Variants in SNX25 observed in about 807,000 individuals in gnomAD.
SNX25 encodes the protein sorting nexin 25.
SNX25 carries 62 observed loss-of-function variants against 113.7 expected under a neutral mutation model. That is an observed-to-expected ratio of 0.55 (90% CI 0.44 to 0.67). SNX25 has a LOEUF of 0.67. Ranked by LOEUF, SNX25 falls within the 30% of genes least tolerant of loss-of-function variation. SNX25 has a pLI of 0.00. For synonymous variants in SNX25, 421 were observed against 436.2 expected (o/e 0.97, Z 0.43); for missense variants, 1,014 against 1,161.0 (o/e 0.87, Z 1.84).
intron 16 of SNX25, among the ~76,000 whole-genome samples, chr4:185,360,457 A>G (rs965930490): frequency 6.6e-6 from 1 of 152,204 alleles, no homozygotes; most frequent in African/African-American, 2.4e-5. Flanking sequence ...TCAGATTCTT[A>G]AAAGGCTTTT....
At chr4:185,321,632 A>C (rs1166803020) in intron 8 of SNX25, among the ~76,000 whole-genome samples, 1 of 152,214 alleles carries the variant, frequency 6.6e-6, no homozygotes, top group African/African-American at 2.4e-5. Flanking sequence ...CTTACAGTGA[A>C]GATCCCAATA....
At chr4:185,372,842 A>T, downstream of SNX25, 1 of 1,581,532 alleles carries the variant, frequency 6.3e-7, no homozygotes, top group Non-Finnish European at 8.7e-7. Flanking sequence ...CACAGAACAG[A>T]CAAAGACATT....
At chr4:185,315,144 C>T (rs1044594553) in intron 7 of SNX25, among the ~76,000 whole-genome samples, 2 of 150,760 alleles carry the variant, frequency 1.3e-5, no homozygotes, top group African/African-American at 2.4e-5. Context: ...AGGAGAAGGG[C>T]GTGAACCTGG....
intron 9 of SNX25, among the ~76,000 whole-genome samples, chr4:185,329,642 A>C (rs2095180269): frequency 6.6e-6 from 1 of 152,094 alleles, no homozygotes; most frequent in Admixed American, 6.5e-5. Context: ...GAATCAGCAA[A>C]GGGCCTCTTG....
intron 14 of SNX25, 40 bp from the exon 15 acceptor site, chr4:185,353,445 G>T: frequency 1.3e-6 from 2 of 1,505,208 alleles, no homozygotes; most frequent in Non-Finnish European, 1.8e-6. Context: ...AATTTTCTTG[G>T]ATAAGTTATC....
At chr4:185,264,843 T>C (rs1747823009) in intron 4 of SNX25, among the ~76,000 whole-genome samples, 1 of 152,220 alleles carries the variant, frequency 6.6e-6, no homozygotes, top group Non-Finnish European at 1.5e-5. Flanking sequence ...GTTTTTATGC[T>C]CTTCACAGGG....
chr4:185,367,196 ATAAG>A (rs2095390988), downstream of SNX25: 1 of 1,612,934 alleles, frequency 6.2e-7, no homozygotes, highest in Non-Finnish European at 8.5e-7. Context: ...TCTTTGACGA[ATAAG>A]TAAGGAGTGA....
At position 185,220,693 on chromosome 4, in the gene SNX25, G is replaced by C. The variant is rs986445887; in HGVS notation, c.429+10438G>C. Reference sequence around the variant, plus strand: ...GACGGGGTTTCACCATGTTAGCCAGGATGGTCTCGATCTCCTGACCTTGTG... The same window carrying C: ...GACGGGGTTTCACCATGTTAGCCAGCATGGTCTCGATCTCCTGACCTTGTG... On this transcript the variant is annotated intron_variant, in intron 1 of 18. Coordinates refer to ENST00000652585, the MANE Select transcript of SNX25 (RefSeq NM_001378034.2). 1.3e-5 allele frequency among the ~76,000 whole-genome samples: 2 copies of C among 151,862 alleles called. 1 individual carries two copies. Among genetic ancestry groups the C allele is most frequent in the African/African-American group, 4.8e-5 (2 of 41,304 alleles).
Position 185,209,993 on chromosome 4 carries a change from G to A in SNX25, c.167G>A (p.Ser56Asn). 1.0e-6 allele frequency: 1 copy of A among 983,806 alleles called. No homozygotes were observed. The highest frequency in any genetic ancestry group is 1.2e-6 in the Non-Finnish European group (1 of 829,282). 60.9% of individuals were successfully genotyped at this position (983,806 alleles called of 1,614,324 possible). ...GCGCCGGGGGCCCCGGGCGGCCGGA[G>A]CTGGTGGAAGCCCGTGGCGGTGGCC... ...AAAPGAPGGR[S>N]WWKPVAVAAL... Residue 56 changes from serine (S) to asparagine (N), a missense_variant, in exon 1 of 19, where the codon AGC (serine) becomes AAC (asparagine). Ser to Asn is a conservative substitution (Grantham distance 46, BLOSUM62 1). Transcript: ENST00000652585. The surrounding 1 kb of genome is among the most constrained non-coding windows in gnomAD (Gnocchi z 5.2).
In SNX25 at chr4:185,210,060, C is replaced by T; in HGVS notation, c.234C>T (p.Ser78=). 6 of 981,194 alleles carry T rather than the reference C, an allele frequency of 6.1e-6. No homozygotes were observed. Among genetic ancestry groups the T allele is most frequent in the Non-Finnish European group, 7.3e-6 (6 of 826,884 alleles). The allele number at this position is 981,194 out of a possible 1,614,324, so 60.8% of individuals were successfully genotyped here. ...AVALSFLGPG[S]GEAAGAAGLS... ...CCCTCTCCTTCCTGGGGCCCGGCAG[C>T]GGGGAGGCGGCGGGGGCCGCGGGGC... The change falls in exon 1 of 19, where the codon AGC becomes AGT. Residue 78 remains serine (S), a synonymous_variant. Transcript: ENST00000652585. This position sits in a 1 kb window ranked among gnomAD's most constrained non-coding sequence, Gnocchi z 4.4.
intron 8 of SNX25, 65 bp downstream of exon 8, chr4:185,320,929 C>T: frequency 3.6e-6 from 5 of 1,400,112 alleles, no homozygotes; most frequent in Non-Finnish European, 4.8e-6. Flanking sequence ...TGTGAGGCAG[C>T]ATGTCTGTTT....
At position 185,310,707 on chromosome 4, in the gene SNX25, C is replaced by T. The variant is rs766479196; in HGVS notation, c.1235C>T (p.Thr412Ile). Residue 412 changes from threonine to isoleucine, a missense_variant, in exon 7 of 19, where the codon ACT (threonine) becomes ATT (isoleucine). Physicochemically the swap from Thr to Ile is moderately conservative, Grantham distance 89 (BLOSUM62 -1). Transcript: ENST00000652585. Reference sequence around the variant, plus strand: ...ATGAAGAGGTACATCAACCAACTGACTGTGGCAAAGAAGCAGTGTGAGAAG... The same window carrying T: ...ATGAAGAGGTACATCAACCAACTGATTGTGGCAAAGAAGCAGTGTGAGAAG... ...RNMKRYINQL[T>I]VAKKQCEKRI... 6.2e-7 allele frequency: 1 copy of T among 1,614,042 alleles called. No homozygotes were observed. Among genetic ancestry groups the T allele is most frequent in the South Asian group, 1.1e-5 (1 of 91,052 alleles).
At chr4:185,224,515 A>G (rs1740606379) in intron 1 of SNX25, among the ~76,000 whole-genome samples, 2 of 124,452 alleles carry the variant, frequency 1.6e-5, no homozygotes, top group South Asian at 2.3e-4. Context: ...ATATAGATAT[A>G]TAAATATATA....
intron 13 of SNX25, 65 bp from the exon 14 acceptor site, chr4:185,351,380 C>T (rs1579898093): frequency 3.2e-6 from 5 of 1,538,650 alleles, no homozygotes; most frequent in Non-Finnish European, 4.4e-6. Flanking sequence ...CTCACCTTTA[C>T]TTGTAGCTCC....
intron 1 of SNX25, among the ~76,000 whole-genome samples, chr4:185,241,697 C>T (rs370308030): frequency 2.9e-4 from 44 of 151,952 alleles, no homozygotes; most frequent in African/African-American, 9.9e-4. Context: ...AGTAGAGTAC[C>T]CTGTCCTCGT....
At chr4:185,215,598 G>A (rs1287216024) in intron 1 of SNX25, among the ~76,000 whole-genome samples, 4 of 152,140 alleles carry the variant, frequency 2.6e-5, no homozygotes, top group Non-Finnish European at 5.9e-5. Context: ...TTATGCTAAT[G>A]TGATAAACTA....
At chr4:185,355,131 C>T (rs978007081) in intron 15 of SNX25, among the ~76,000 whole-genome samples, 1 of 152,172 alleles carries the variant, frequency 6.6e-6, no homozygotes, top group Non-Finnish European at 1.5e-5. Context: ...AATTTGTCTT[C>T]TGTGTCTTAA....
chr4:185,277,467 A>G (rs1472718878), intron 5 of SNX25, among the ~76,000 whole-genome samples: 1 of 152,174 alleles, frequency 6.6e-6, no homozygotes, highest in African/African-American at 2.4e-5. Flanking sequence ...CTTTTGGGCA[A>G]GGTGAGAAAC....
chr4:185,356,977 TCA>T (rs1447118297), intron 15 of SNX25, among the ~76,000 whole-genome samples: 1 of 152,194 alleles, frequency 6.6e-6, no homozygotes, highest in African/African-American at 2.4e-5. Context: ...GTAGAACCCT[TCA>T]CAGTCTTTCT....
Sources: allele counts gnomAD v4.1 joint callset (sites outside exome capture counted in the v4.1 genomes callset), GRCh38; gene constraint gnomAD v4.1.1; non-coding constraint Gnocchi (gnomAD v3.1); transcripts MANE v1.5; gene names NCBI Gene and HGNC (gene_info 2026-07-23, HGNC 2026-07-21).